Variants in TNNI3K observed in about 807,000 individuals in gnomAD.
TNNI3K encodes the protein serine/threonine-protein kinase TNNI3K.
Under a neutral mutation model 114.5 loss-of-function variants are expected in TNNI3K, and 140 were observed. The observed-to-expected ratio is 1.22, with a 90% confidence interval of 1.07 to 1.41. TNNI3K has a LOEUF of 1.41. Ranked by LOEUF, TNNI3K falls within the 40% of genes most tolerant of loss-of-function variation. The pLI is 0.00. For synonymous variants in TNNI3K, 347 were observed against 347.5 expected, an observed-to-expected ratio of 1.00 and a Z score of 0.02; for missense variants, 1,125 against 1,007.6, an observed-to-expected ratio of 1.12 and a Z score of -1.58.
Position 74,281,983 on chromosome 1 carries a change from A to G in TNNI3K, c.444+10275A>G, listed in dbSNP as rs534871384. On this transcript the variant is annotated intron_variant, in intron 5 of 24. Transcript: ENST00000326637. ...CATTTTTCAATTGAATTATCATTGT[A>G]CTCCTGGAATGAAACACAATTGGTC... 3.3e-5 allele frequency among the ~76,000 whole-genome samples: 5 copies of G among 152,194 alleles called. No homozygotes were observed. The South Asian group carries it at 1.0e-3, about 32-fold the overall frequency.
At chr1:74,393,526 A>C (rs1293007449) in intron 17 of TNNI3K, among the ~76,000 whole-genome samples, 1 of 152,220 alleles carries the variant, frequency 6.6e-6, no homozygotes, top group Admixed American at 6.5e-5. Flanking sequence ...TTAATTTTCC[A>C]GGCAATTTCT....
In TNNI3K at chr1:74,367,334, C is replaced by T. The variant is rs200466964; in HGVS notation, c.1256C>T (p.Pro419Leu). ...DELPCNEYSQPGGDGSYVSVP... is the reference protein window; with the variant it reads ...DELPCNEYSQLGGDGSYVSVP... Reference sequence around the variant, plus strand: ...TTGCCCTGTAATGAATATTCTCAGCCTGGAGGAGGTACCCCTTTTCTTATT... The same window carrying T: ...TTGCCCTGTAATGAATATTCTCAGCTTGGAGGAGGTACCCCTTTTCTTATT... Residue 419 changes from proline to leucine, a missense_variant, in exon 12 of 25, where the codon CCT (proline) becomes CTT (leucine). Physicochemically the swap from Pro to Leu is moderately conservative, Grantham distance 98 (BLOSUM62 -3). Transcript: ENST00000326637. 3 of 1,612,032 alleles carry T rather than the reference C, an allele frequency of 1.9e-6. No homozygotes were observed. The highest frequency in any genetic ancestry group is 8.5e-7 in the Non-Finnish European group (1 of 1,178,670).
chr1:74,471,785 A>C (rs111547302), intron 21 of TNNI3K: 18 of 419,606 alleles, frequency 4.3e-5, no homozygotes, highest in African/African-American at 2.7e-4. Flanking sequence ...CTCATAAGAA[A>C]TTTTTCTATT....
intron 17 of TNNI3K, among the ~76,000 whole-genome samples, chr1:74,405,534 G>A (rs1664572754): frequency 6.6e-6 from 1 of 152,154 alleles, no homozygotes; most frequent in African/African-American, 2.4e-5. Context: ...CGGAGAACTA[G>A]AGAGGTTTTT....
intron 5 of TNNI3K, among the ~76,000 whole-genome samples, chr1:74,318,503 GC>G (rs1553130866): frequency 6.6e-6 from 1 of 152,190 alleles, no homozygotes; most frequent in Non-Finnish European, 1.5e-5. Context: ...AATTTGGCGG[GC>G]ACATGCTCTG....
intron 5 of TNNI3K, among the ~76,000 whole-genome samples, chr1:74,323,568 A>G: frequency 6.6e-6 from 1 of 152,180 alleles, no homozygotes; most frequent in South Asian, 2.1e-4. Flanking sequence ...GAAATAGGGA[A>G]AAGATACAAA....
intron 7 of TNNI3K, among the ~76,000 whole-genome samples, chr1:74,340,856 G>T (rs943234350): frequency 8.5e-5 from 13 of 152,118 alleles, no homozygotes; most frequent in African/African-American, 1.9e-4. Context: ...TTTTAAAAGG[G>T]AGATAATCAG....
intron 20 of TNNI3K, among the ~76,000 whole-genome samples, chr1:74,449,176 C>T (rs1421721282): frequency 2.0e-5 from 3 of 151,484 alleles, no homozygotes; most frequent in African/African-American, 7.3e-5. Context: ...GCAACTTCTT[C>T]CTGGTTTAGT....
chr1:74,337,342 C>T (rs1660526501), intron 7 of TNNI3K, among the ~76,000 whole-genome samples: 2 of 151,294 alleles, frequency 1.3e-5, no homozygotes, highest in Admixed American at 6.6e-5. Flanking sequence ...TGTGCAGAAG[C>T]TCTTTAGTTT....
At chr1:74,253,912 A>C (rs560053370) in intron 4 of TNNI3K, among the ~76,000 whole-genome samples, 223 of 152,204 alleles carry the variant, frequency 1.5e-3, no homozygotes, top group Non-Finnish European at 2.9e-3. Context: ...GTCACCTCTT[A>C]GTTGTTCACA....
At chr1:74,392,788 A>ATG (rs1663859304) in intron 17 of TNNI3K, among the ~76,000 whole-genome samples, 2 of 152,236 alleles carry the variant, frequency 1.3e-5, no homozygotes, top group Non-Finnish European at 2.9e-5. Context: ...TTTGAAACGA[A>ATG]TGAATGAATT....
intron 17 of TNNI3K, chr1:74,401,714 A>G (rs1664374196): frequency 2.7e-6 from 1 of 374,812 alleles, no homozygotes; most frequent in East Asian, 8.4e-5. Flanking sequence ...AAATAACAGA[A>G]GAAATAAGAT....
At chr1:74,357,933 A>C (rs1661749063) in intron 11 of TNNI3K, among the ~76,000 whole-genome samples, 1 of 152,090 alleles carries the variant, frequency 6.6e-6, no homozygotes, top group African/African-American at 2.4e-5. Context: ...CTTATGTTCA[A>C]ATCCTCTGCC....
At chr1:74,441,601 C>T (rs1666375855) in intron 20 of TNNI3K, among the ~76,000 whole-genome samples, 1 of 152,044 alleles carries the variant, frequency 6.6e-6, no homozygotes, top group African/African-American at 2.4e-5. Flanking sequence ...GAATTTCCAA[C>T]AGTAGTCGGT....
intron 5 of TNNI3K, among the ~76,000 whole-genome samples, chr1:74,298,133 T>C (rs984556547): frequency 2.0e-5 from 3 of 152,202 alleles, no homozygotes; most frequent in Admixed American, 1.3e-4. Flanking sequence ...TCCACTATGG[T>C]TGATCTCATT....
At chr1:74,390,105 ATGAGTT>A (rs1663686259) in intron 17 of TNNI3K, among the ~76,000 whole-genome samples, 1 of 152,186 alleles carries the variant, frequency 6.6e-6, no homozygotes, top group Non-Finnish European at 1.5e-5. Flanking sequence ...ACTGGGAAGA[ATGAGTT>A]TGAGAAAAAT....
chr1:74,387,876 C>T (rs980813981), intron 17 of TNNI3K, among the ~76,000 whole-genome samples: 2 of 152,098 alleles, frequency 1.3e-5, no homozygotes, highest in Non-Finnish European at 2.9e-5. Context: ...AATGTTAGTT[C>T]TTGGTCCCTT....
intron 9 of TNNI3K, among the ~76,000 whole-genome samples, chr1:74,344,184 T>C (rs1490588881): frequency 6.6e-6 from 1 of 152,168 alleles, no homozygotes; most frequent in Non-Finnish European, 1.5e-5. Flanking sequence ...CATTTCCAGA[T>C]TTTTCTTGTC....
chr1:74,406,399 G>A (rs1570582223), intron 17 of TNNI3K, among the ~76,000 whole-genome samples: 1 of 152,236 alleles, frequency 6.6e-6, no homozygotes, highest in South Asian at 2.1e-4. Flanking sequence ...TCTTCTTCCA[G>A]TGTGGCCCAG....
Sources: allele counts gnomAD v4.1 joint callset (sites outside exome capture counted in the v4.1 genomes callset), GRCh38; gene constraint gnomAD v4.1.1; transcripts MANE v1.5; gene names NCBI Gene and HGNC (gene_info 2026-07-23, HGNC 2026-07-21).